The following CCSER1 variants were observed in gnomAD, a reference collection of about 807,000 sequenced individuals.
The protein encoded by CCSER1 is serine-rich coiled-coil domain-containing protein 1.
CCSER1 carries 41 observed loss-of-function variants against 82.0 expected under a neutral mutation model. The ratio of observed to expected loss-of-function variants is 0.50; its 90% CI spans 0.39 to 0.65. The LOEUF (loss-of-function observed/expected upper bound fraction) is 0.65. Among genes scored for constraint, CCSER1 ranks in the 30% least tolerant of loss-of-function variants. CCSER1 has a pLI of 0.00. For synonymous variants in CCSER1, 414 were observed against 383.9 expected (o/e 1.08, Z -0.92); for missense variants, 1,119 against 1,064.2 (o/e 1.05, Z -0.72).
At chr4:90,408,091 G>C (rs1578320337) in intron 4 of CCSER1, among the ~76,000 whole-genome samples, 1 of 152,324 alleles carries the variant, frequency 6.6e-6, no homozygotes, top group South Asian at 2.1e-4. Flanking sequence ...TGGGGGAGGG[G>C]CACCCGCCAT....
intron 10 of CCSER1, among the ~76,000 whole-genome samples, chr4:91,170,382 T>C (rs981102132): frequency 1.3e-5 from 2 of 152,014 alleles, no homozygotes; most frequent in African/African-American, 4.8e-5. Context: ...CATATGCCAA[T>C]GAAGCAAAAA....
At chr4:91,207,644 G>T (rs1736455587) in intron 10 of CCSER1, among the ~76,000 whole-genome samples, 1 of 151,882 alleles carries the variant, frequency 6.6e-6, no homozygotes. Context: ...TGGGCATTTA[G>T]GTTGATGACA....
intron 7 of CCSER1, among the ~76,000 whole-genome samples, chr4:90,732,532 G>A (rs1456831363): frequency 1.3e-5 from 2 of 152,048 alleles, no homozygotes; most frequent in Non-Finnish European, 2.9e-5. Flanking sequence ...AAGAAATCAG[G>A]TATTTAACAT....
chr4:91,403,157 A>G (rs962250212), intron 10 of CCSER1, among the ~76,000 whole-genome samples: 1 of 152,152 alleles, frequency 6.6e-6, no homozygotes, highest in Non-Finnish European at 1.5e-5. Context: ...CTTTGTAGCA[A>G]TTGTGAATGG....
intron 1 of CCSER1, among the ~76,000 whole-genome samples, chr4:90,233,705 G>T (rs10019966): frequency 6.8e-6 from 1 of 146,736 alleles, no homozygotes; most frequent in East Asian, 2.0e-4. Flanking sequence ...AGCCTTCGCA[G>T]TGAAGTGGCC....
chr4:91,104,704 C>T (rs1006373648), intron 10 of CCSER1, among the ~76,000 whole-genome samples: 3 of 152,146 alleles, frequency 2.0e-5, no homozygotes, highest in African/African-American at 7.2e-5. Flanking sequence ...GGCTAGAAAT[C>T]TTTTATGCCA....
chr4:90,763,577 C>G (rs1038550776), intron 7 of CCSER1, among the ~76,000 whole-genome samples: 1 of 152,096 alleles, frequency 6.6e-6, no homozygotes, highest in Non-Finnish European at 1.5e-5. Flanking sequence ...AAAGTCCCAT[C>G]GAGATGTTGG....
chr4:91,215,289 C>T (rs1006494910), intron 10 of CCSER1, among the ~76,000 whole-genome samples: 1 of 151,816 alleles, frequency 6.6e-6, no homozygotes, highest in Non-Finnish European at 1.5e-5. Context: ...TTGAAAAAGT[C>T]CAGTGGAATT....
intron 3 of CCSER1, among the ~76,000 whole-genome samples, chr4:90,328,792 G>C (rs1332520689): frequency 2.6e-5 from 4 of 152,134 alleles, no homozygotes; most frequent in Non-Finnish European, 5.9e-5. Context: ...TGTGCCTCAG[G>C]CTGGCTCTGG....
chr4:90,310,950 A>T (rs1735180786), intron 2 of CCSER1, among the ~76,000 whole-genome samples: 1 of 152,026 alleles, frequency 6.6e-6, no homozygotes. Context: ...GGAACTTTGT[A>T]TTCTTTAGTC....
At position 90,351,445 on chromosome 4, in the gene CCSER1, A is replaced by C. The variant is rs1366230042; in HGVS notation, c.1509+38398A>C. 1.3e-5 allele frequency among the ~76,000 whole-genome samples: 2 copies of C among 152,206 alleles called. 1 individual carries two copies. Among genetic ancestry groups the C allele is most frequent in the African/African-American group, 4.8e-5 (2 of 41,450 alleles). ...TGCAAGATTTCTATGGAGAAATCTC[A>C]AGTTGGAAAAGATATTTCTAATGAT... On this transcript the variant is annotated intron_variant, in intron 3 of 10. Coordinates refer to ENST00000509176, the MANE Select transcript of CCSER1 (RefSeq NM_001145065.2).
intron 3 of CCSER1, among the ~76,000 whole-genome samples, chr4:90,387,130 C>A (rs1292068309): frequency 6.6e-6 from 1 of 151,890 alleles, no homozygotes; most frequent in Non-Finnish European, 1.5e-5. Context: ...TAAAGAAAAA[C>A]CAGGAAGGCT....
chr4:90,402,342 A>C (rs1752994449), intron 4 of CCSER1, among the ~76,000 whole-genome samples: 1 of 152,190 alleles, frequency 6.6e-6, no homozygotes, highest in South Asian at 2.1e-4. Context: ...TAGAGGATTG[A>C]CTGTTACTGC....
intron 10 of CCSER1, among the ~76,000 whole-genome samples, chr4:91,531,539 T>C (rs1761030098): frequency 6.6e-6 from 1 of 152,200 alleles, no homozygotes; most frequent in South Asian, 2.1e-4. Flanking sequence ...AGGGAAAGTG[T>C]TTAACTTACA....
chr4:90,249,782 A>T (rs1722063101), intron 1 of CCSER1, among the ~76,000 whole-genome samples: 1 of 152,178 alleles, frequency 6.6e-6, no homozygotes, highest in African/African-American at 2.4e-5. Context: ...GGTTATTATG[A>T]ATAATGCTGC....
At chr4:91,035,929 G>C (rs1307043446) in intron 9 of CCSER1, among the ~76,000 whole-genome samples, 3 of 152,204 alleles carry the variant, frequency 2.0e-5, no homozygotes, top group African/African-American at 7.2e-5. Context: ...TCTCATTGCA[G>C]AGACATCACC....
At chr4:91,191,721 T>C (rs532598240) in intron 10 of CCSER1, among the ~76,000 whole-genome samples, 10 of 152,340 alleles carry the variant, frequency 6.6e-5, no homozygotes, top group Non-Finnish European at 1.0e-4. Flanking sequence ...CAGAGCTGGC[T>C]GGCTTGAAAG....
At chr4:90,155,251 C>T (rs1477718913) in intron 1 of CCSER1, among the ~76,000 whole-genome samples, 15 of 152,210 alleles carry the variant, frequency 9.9e-5, no homozygotes, top group African/African-American at 3.4e-4. Flanking sequence ...GGTGGATAAG[C>T]TTTTTGATGT....
chr4:90,300,614 G>T (rs1732909523), intron 1 of CCSER1, among the ~76,000 whole-genome samples: 1 of 152,102 alleles, frequency 6.6e-6, no homozygotes, highest in Non-Finnish European at 1.5e-5. Context: ...GACTCATAAT[G>T]AAAAAATATG....
Sources: allele counts gnomAD v4.1 joint callset (sites outside exome capture counted in the v4.1 genomes callset), GRCh38; gene constraint gnomAD v4.1.1; transcripts MANE v1.5; gene names NCBI Gene and HGNC (gene_info 2026-07-23, HGNC 2026-07-21).